The following LSAMP variants were observed in gnomAD, a reference collection of about 807,000 sequenced individuals.
LSAMP encodes the protein limbic system associated membrane protein.
In LSAMP, 7 loss-of-function variants were observed where a neutral mutation model predicts 38.6. The ratio of observed to expected loss-of-function variants is 0.18; its 90% CI spans 0.10 to 0.34. The LOEUF is 0.34. LSAMP is among the 10% of genes least tolerant of loss of function. The pLI is 1.00. For synonymous variants in LSAMP, 154 were observed against 166.8 expected, an observed-to-expected ratio of 0.92 and a Z score of 0.59; for missense variants, 313 against 420.0, an observed-to-expected ratio of 0.75 and a Z score of 2.23.
intron 1 of LSAMP, among the ~76,000 whole-genome samples, chr3:116,279,582 T>G (rs1013712875): frequency 1.3e-4 from 20 of 152,224 alleles, no homozygotes; most frequent in African/African-American, 4.8e-4. Context: ...ATTTTTCATA[T>G]TTGGAAAATA....
chr3:116,433,414 T>G (rs1221838759), intron 1 of LSAMP, among the ~76,000 whole-genome samples: 2 of 152,164 alleles, frequency 1.3e-5, no homozygotes, highest in African/African-American at 4.8e-5. Context: ...GTTGCATTTT[T>G]CCTCATGGTT....
chr3:115,835,933 GA>G (rs1286531745), intron 6 of LSAMP, among the ~76,000 whole-genome samples: 3 of 152,158 alleles, frequency 2.0e-5, no homozygotes. Context: ...TTCTAGCTTT[GA>G]AAATAAATAG....
At chr3:116,326,115 A>C (rs2047768309) in intron 1 of LSAMP, among the ~76,000 whole-genome samples, 1 of 152,044 alleles carries the variant, frequency 6.6e-6, no homozygotes, top group Non-Finnish European at 1.5e-5. Flanking sequence ...ACTCATCTCA[A>C]TTTAATCAAT....
At chr3:116,068,365 C>T (rs1317245214) in intron 2 of LSAMP, among the ~76,000 whole-genome samples, 2 of 152,100 alleles carry the variant, frequency 1.3e-5, no homozygotes, top group East Asian at 3.9e-4. Flanking sequence ...TATTCTTCTT[C>T]CTTGGAACAA....
chr3:115,835,138 T>G (rs1449510702), intron 6 of LSAMP, among the ~76,000 whole-genome samples: 1 of 152,198 alleles, frequency 6.6e-6, no homozygotes, highest in Non-Finnish European at 1.5e-5. Context: ...CTGATACCAG[T>G]ATAGGAGTAA....
chr3:116,259,244 C>T (rs2046794429), intron 1 of LSAMP, among the ~76,000 whole-genome samples: 1 of 152,134 alleles, frequency 6.6e-6, no homozygotes. Context: ...AGTGCACATG[C>T]CTCAATCAAT....
In LSAMP at chr3:116,161,017, G is replaced by A. The variant is rs376840352; in HGVS notation, c.156-74461C>T. Among the ~76,000 whole-genome samples the A allele has an allele frequency of 4.6e-5, 7 of 152,316 alleles. No homozygotes were observed. In the East Asian group the frequency reaches 7.7e-4, roughly 17 times the overall value. ...ATTCAATGAGATAGTCTCCAGCCAC[G>A]TGGGGCTATGCAATACTTAAAAAGT... On this transcript the variant is annotated intron_variant, in intron 1 of 6. Coordinates refer to ENST00000490035, the MANE Select transcript of LSAMP (RefSeq NM_002338.5).
chr3:116,000,254 C>G (rs1939952350), intron 3 of LSAMP, among the ~76,000 whole-genome samples: 1 of 152,044 alleles, frequency 6.6e-6, no homozygotes. Flanking sequence ...ATGCTAGAGC[C>G]CACTGTGGAA....
intron 1 of LSAMP, among the ~76,000 whole-genome samples, chr3:116,118,520 G>A (rs1390835471): frequency 6.6e-6 from 1 of 152,074 alleles, no homozygotes; most frequent in Non-Finnish European, 1.5e-5. Flanking sequence ...TTGTATATTT[G>A]TCTTTAGGAA....
chr3:116,170,573 T>C (rs1710172265), intron 1 of LSAMP, among the ~76,000 whole-genome samples: 1 of 152,168 alleles, frequency 6.6e-6, no homozygotes, highest in Non-Finnish European at 1.5e-5. Flanking sequence ...GCCTCTGACA[T>C]TACTTGCTAT....
intron 6 of LSAMP, among the ~76,000 whole-genome samples, chr3:115,830,064 T>C (rs1205090939): frequency 6.6e-6 from 1 of 152,222 alleles, no homozygotes; most frequent in Non-Finnish European, 1.5e-5. Flanking sequence ...ATATAATTTC[T>C]TTCCCATTTC....
At chr3:116,394,653 A>G (rs148295574) in intron 1 of LSAMP, among the ~76,000 whole-genome samples, 241 of 152,094 alleles carry the variant, frequency 1.6e-3, no homozygotes, top group African/African-American at 5.5e-3. Flanking sequence ...AAAACCACAC[A>G]CTGAGATCCT....
intron 1 of LSAMP, among the ~76,000 whole-genome samples, chr3:116,107,514 C>G (rs562451375): frequency 1.3e-5 from 2 of 152,030 alleles, no homozygotes; most frequent in East Asian, 3.9e-4. Context: ...ACTAACCATG[C>G]CTAGGAAGGA....
chr3:116,209,107 C>T (rs527458797), intron 1 of LSAMP, among the ~76,000 whole-genome samples: 4 of 152,296 alleles, frequency 2.6e-5, no homozygotes, highest in East Asian at 1.9e-4. Context: ...TCGTGGTGTG[C>T]CGTTTTTTAA....
chr3:116,176,859 G>A (rs1437051212), intron 1 of LSAMP, among the ~76,000 whole-genome samples: 1 of 152,120 alleles, frequency 6.6e-6, no homozygotes, highest in Non-Finnish European at 1.5e-5. Context: ...AGAAATAGGT[G>A]TTAAAAAGCT....
At chr3:116,332,572 T>G (rs868490830) in intron 1 of LSAMP, among the ~76,000 whole-genome samples, 1 of 152,012 alleles carries the variant, frequency 6.6e-6, no homozygotes, top group South Asian at 2.1e-4. Context: ...ATGCAGAAAA[T>G]GAGGGACAAA....
chr3:116,268,964 C>T (rs1404047140), intron 1 of LSAMP, among the ~76,000 whole-genome samples: 5 of 151,990 alleles, frequency 3.3e-5, no homozygotes, highest in Non-Finnish European at 7.4e-5. Context: ...AGGTGCCACA[C>T]TGACCCTGTT....
At chr3:116,036,343 A>T (rs1941045089) in intron 2 of LSAMP, among the ~76,000 whole-genome samples, 2 of 152,154 alleles carry the variant, frequency 1.3e-5, no homozygotes, top group African/African-American at 4.8e-5. Context: ...CAGTCTACTC[A>T]TCCATTTCTT....
chr3:116,441,646 G>T (rs374490490), intron 1 of LSAMP, among the ~76,000 whole-genome samples: 1 of 152,304 alleles, frequency 6.6e-6, no homozygotes, highest in African/African-American at 2.4e-5. Flanking sequence ...GGGTAGGAGG[G>T]AAGAAACAGT....
Sources: gnomAD v4.1 joint callset for allele counts (sites outside exome capture counted in the v4.1 genomes callset) on GRCh38, gnomAD v4.1.1 for gene constraint, MANE v1.5 for transcripts, NCBI Gene and HGNC (gene_info 2026-07-23, HGNC 2026-07-21) for gene names.